Variants in SAMMSON observed in about 807,000 individuals in gnomAD.
SAMMSON encodes the protein survival associated mitochondrial melanoma specific oncogenic non-coding RNA.
intron 3 of SAMMSON, among the ~76,000 whole-genome samples, chr3:70,041,988 T>G (rs56086555): frequency 0.019 from 2,888 of 152,188 alleles, 95 homozygotes; most frequent in African/African-American, 0.064. Context: ...TGGACTCTGG[T>G]GCATGATCAA....
chr3:70,081,176 C>T (rs1337658824), intron 4 of SAMMSON, among the ~76,000 whole-genome samples: 3 of 152,100 alleles, frequency 2.0e-5, no homozygotes, highest in Admixed American at 6.5e-5. Flanking sequence ...TGCAGTGGCG[C>T]GATCTCTGCT....
intron 2 of SAMMSON, among the ~76,000 whole-genome samples, chr3:70,409,647 A>G (rs1043376743): frequency 9.9e-5 from 15 of 152,252 alleles, no homozygotes; most frequent in Non-Finnish European, 2.2e-4. Context: ...TGCGTCATCA[A>G]GGCTCTTTGG....
intron 4 of SAMMSON, among the ~76,000 whole-genome samples, chr3:70,246,817 C>G (rs1416888296): frequency 6.6e-6 from 1 of 151,894 alleles, no homozygotes; most frequent in Non-Finnish European, 1.5e-5. Context: ...CCCAATAGAC[C>G]TTTATTTTTT....
At chr3:70,292,380 AT>A (rs1031395591) in intron 7 of SAMMSON, among the ~76,000 whole-genome samples, 3 of 152,162 alleles carry the variant, frequency 2.0e-5, no homozygotes, top group African/African-American at 7.2e-5. Flanking sequence ...CTTCAGCTAA[AT>A]CCACTATGCC....
At chr3:70,154,173 C>T (rs1235490895) in intron 4 of SAMMSON, among the ~76,000 whole-genome samples, 1 of 151,676 alleles carries the variant, frequency 6.6e-6, no homozygotes, top group Non-Finnish European at 1.5e-5. Flanking sequence ...TGTATTAATC[C>T]TCATAAACAA....
At chr3:70,211,091 T>C (rs1297759202) in intron 4 of SAMMSON, among the ~76,000 whole-genome samples, 3 of 152,282 alleles carry the variant, frequency 2.0e-5, no homozygotes, top group South Asian at 2.1e-4. Flanking sequence ...TGACTCTTCA[T>C]AGATAAAAGC....
intron 3 of SAMMSON, among the ~76,000 whole-genome samples, chr3:70,018,655 T>G (rs990267795): frequency 6.6e-6 from 1 of 152,120 alleles, no homozygotes; most frequent in Non-Finnish European, 1.5e-5. Context: ...GCTTCTCTAG[T>G]TGTTTTAATT....
chr3:70,043,367 A>C (rs2067112698), intron 3 of SAMMSON, among the ~76,000 whole-genome samples: 1 of 151,940 alleles, frequency 6.6e-6, no homozygotes, highest in South Asian at 2.1e-4. Flanking sequence ...TCCTTATATC[A>C]TTTTTACGTT....
intron 3 of SAMMSON, among the ~76,000 whole-genome samples, chr3:70,063,389 A>C (rs1368850277): frequency 6.6e-6 from 1 of 152,026 alleles, no homozygotes; most frequent in Non-Finnish European, 1.5e-5. Context: ...TTAGCTCTCC[A>C]ACCCCATTGG....
chr3:70,240,294 A>G (rs1309051484), intron 4 of SAMMSON, among the ~76,000 whole-genome samples: 1 of 152,066 alleles, frequency 6.6e-6, no homozygotes, highest in African/African-American at 2.4e-5. Flanking sequence ...CTTGGGGAAA[A>G]AAAACAGTAG....
downstream of SAMMSON, among the ~76,000 whole-genome samples, chr3:70,393,255 C>G (rs1701064512): frequency 6.6e-6 from 1 of 152,164 alleles, no homozygotes; most frequent in Non-Finnish European, 1.5e-5. Context: ...TCACAAAACT[C>G]AACTTGCAAT....
At chr3:70,394,763 A>G (rs944615082), downstream of SAMMSON, among the ~76,000 whole-genome samples, 1 of 152,188 alleles carries the variant, frequency 6.6e-6, no homozygotes, top group Non-Finnish European at 1.5e-5. Flanking sequence ...AGACATCGAC[A>G]TCAATCCTTA....
intron 4 of SAMMSON, among the ~76,000 whole-genome samples, chr3:70,187,221 C>G (rs1701097587): frequency 6.6e-6 from 1 of 152,072 alleles, no homozygotes; most frequent in East Asian, 1.9e-4. Context: ...ATTGAAGGTG[C>G]CAATTTCATT....
chr3:70,240,150 G>A (rs1007421731), intron 4 of SAMMSON, among the ~76,000 whole-genome samples: 9 of 151,958 alleles, frequency 5.9e-5, no homozygotes, highest in African/African-American at 9.7e-5. Flanking sequence ...AATAAGAGAC[G>A]TATTTTAAAG....
intron 4 of SAMMSON, among the ~76,000 whole-genome samples, chr3:70,118,754 AC>A (rs1298444338): frequency 7.9e-5 from 12 of 152,082 alleles, no homozygotes; most frequent in Non-Finnish European, 1.5e-4. Flanking sequence ...CAGTTAAACA[AC>A]CTTTGTGAGG....
chr3:70,213,482 A>T (rs1701370158), intron 4 of SAMMSON, among the ~76,000 whole-genome samples: 1 of 152,090 alleles, frequency 6.6e-6, no homozygotes, highest in Admixed American at 6.6e-5. Flanking sequence ...TTTCCCTTGG[A>T]TTTAAACTAT....
rs962094464 is a variant in SAMMSON at position 70,285,052 on chromosome 3, CT to C, written n.675-6118del. On this transcript the variant is annotated intron_variant and non_coding_transcript_variant, in intron 6 of 9. Transcript: ENST00000642114. The stretch of plus-strand genomic sequence containing the variant: ...TTATTTTTTACTTATTTTTTTTTAA[CT>C]TTTTTTTTCTTTTATTATTATACTT... Among the ~76,000 whole-genome samples the C allele has an allele frequency of 1.9e-3, 284 of 146,162 alleles. 2 individuals carry two copies. The highest frequency in any genetic ancestry group is 6.6e-3 in the African/African-American group (263 of 39,688).
intron 4 of SAMMSON, among the ~76,000 whole-genome samples, chr3:70,099,262 G>C (rs1033259962): frequency 2.6e-5 from 4 of 152,126 alleles, no homozygotes; most frequent in Admixed American, 2.6e-4. Context: ...AAAGGTATTG[G>C]CGTTTTAAAC....
At chr3:70,426,440 C>G (rs1379195289) in intron 2 of SAMMSON, among the ~76,000 whole-genome samples, 1 of 152,154 alleles carries the variant, frequency 6.6e-6, no homozygotes, top group Non-Finnish European at 1.5e-5. Context: ...AGAGTTTCTC[C>G]CATTGAAATG....
Sources: gnomAD v4.1 joint callset for allele counts (sites outside exome capture counted in the v4.1 genomes callset) on GRCh38, gnomAD v4.1.1 for gene constraint, MANE v1.5 for transcripts, NCBI Gene and HGNC (gene_info 2026-07-23, HGNC 2026-07-21) for gene names.